GRM7: variants seen among roughly 807,000 people sequenced by gnomAD.
GRM7 encodes the protein glutamate metabotropic receptor 7.
GRM7 carries 35 observed loss-of-function variants against 84.5 expected under a neutral mutation model. That is an observed-to-expected ratio of 0.41 (90% CI 0.32 to 0.55). The LOEUF (loss-of-function observed/expected upper bound fraction) is 0.55, where lower values mean the gene tolerates loss of function less well. Among genes scored for constraint, GRM7 ranks in the 20% least tolerant of loss-of-function variants. The probability of loss-of-function intolerance (pLI) is 0.19; values close to 1 mark genes in which losing one functional copy is unlikely to be tolerated. For synonymous variants in GRM7, 487 were observed against 455.1 expected (o/e 1.07, Z -0.89); for missense variants, 1,003 against 1,194.6 (o/e 0.84, Z 2.36).
chr3:7,415,487 A>G (rs1575303813), intron 5 of GRM7, among the ~76,000 whole-genome samples: 1 of 152,140 alleles, frequency 6.6e-6, no homozygotes, highest in East Asian at 1.9e-4. Context: ...AAATTCTCTG[A>G]CAAATCCCAT....
intron 2 of GRM7, among the ~76,000 whole-genome samples, chr3:7,219,549 C>T (rs573903781): frequency 7.4e-4 from 112 of 152,174 alleles, no homozygotes; most frequent in Admixed American, 4.7e-3. Context: ...ATGGGAGGCA[C>T]CTTCATGATC....
intron 2 of GRM7, among the ~76,000 whole-genome samples, chr3:7,255,997 G>C (rs1013282433): frequency 3.9e-5 from 6 of 152,070 alleles, no homozygotes; most frequent in Non-Finnish European, 8.8e-5. Flanking sequence ...CCAGCCCACA[G>C]TCCTGAGGCA....
In GRM7 at chr3:6,904,209, G is replaced by A. The variant is rs371447356; in HGVS notation, c.519+42302G>A. The stretch of plus-strand genomic sequence containing the variant: ...TTATTCCTTACTCTGAAATCACAAA[G>A]ATATTTGTTTGTAGTTTTTTATTCT... On this transcript the variant is annotated intron_variant, in intron 1 of 9. Transcript: ENST00000357716. 8.6e-4 allele frequency among the ~76,000 whole-genome samples: 130 copies of A among 151,994 alleles called. 5 individuals are homozygous for A. The South Asian group carries it at 0.026, about 30-fold the overall frequency.
intron 8 of GRM7, among the ~76,000 whole-genome samples, chr3:7,645,821 C>G (rs3804851): frequency 0.32 from 47,951 of 152,012 alleles, 7,689 homozygotes; most frequent in Non-Finnish European, 0.33. Flanking sequence ...CTTCCCCAAT[C>G]TGACCCCAAT....
chr3:7,111,161 C>T (rs1692837035), intron 1 of GRM7, among the ~76,000 whole-genome samples: 1 of 151,960 alleles, frequency 6.6e-6, no homozygotes, highest in Non-Finnish European at 1.5e-5. Flanking sequence ...TGATCATAGC[C>T]CCTCACGGAA....
intron 8 of GRM7, among the ~76,000 whole-genome samples, chr3:7,671,974 C>T (rs1699935198): frequency 6.6e-6 from 1 of 152,092 alleles, no homozygotes; most frequent in Non-Finnish European, 1.5e-5. Flanking sequence ...TGCCCAAAGT[C>T]ACCCACTAAT....
rs1694811749 is a variant in GRM7 at position 6,862,928 on chromosome 3, G to A, written c.519+1021G>A. On this transcript the variant is annotated intron_variant, in intron 1 of 9. Transcript: ENST00000357716. This position sits in a 1 kb window ranked among gnomAD's most constrained non-coding sequence, Gnocchi z 5.2. ...GAAGGCGGATCCGGGGCCGCTGAGC[G>A]GTGGGTTCTGCCGCAGTGTTCTCTC... 6.8e-6 allele frequency: 3 copies of A among 442,552 alleles called. No individual in the cohort carries two copies. The highest frequency in any genetic ancestry group is 2.0e-5 in the African/African-American group (1 of 49,314). The allele number at this position is 442,552 out of a possible 1,614,324, so 27.4% of individuals were successfully genotyped here.
At chr3:7,232,222 C>T (rs1697216367) in intron 2 of GRM7, among the ~76,000 whole-genome samples, 1 of 151,652 alleles carries the variant, frequency 6.6e-6, no homozygotes, top group South Asian at 2.1e-4. Flanking sequence ...AACTCTCTTC[C>T]AACATTTTTT....
chr3:7,315,148 T>G (rs771795384), intron 4 of GRM7, among the ~76,000 whole-genome samples: 2 of 152,214 alleles, frequency 1.3e-5, no homozygotes, highest in African/African-American at 2.4e-5. Context: ...TCCCAGTCTT[T>G]GCTGATTGGT....
intron 7 of GRM7, among the ~76,000 whole-genome samples, chr3:7,558,633 G>A (rs527712410): frequency 6.6e-6 from 1 of 152,166 alleles, no homozygotes; most frequent in African/African-American, 2.4e-5. Context: ...AGACAATTAG[G>A]GGTCCACATA....
intron 1 of GRM7, among the ~76,000 whole-genome samples, chr3:6,977,017 G>C (rs552767900): frequency 3.3e-5 from 5 of 152,240 alleles, no homozygotes; most frequent in African/African-American, 1.2e-4. Context: ...CAGAATTGAT[G>C]GTTACTGACT....
intron 2 of GRM7, among the ~76,000 whole-genome samples, chr3:7,240,575 C>G (rs1238316439): frequency 1.3e-5 from 2 of 152,146 alleles, no homozygotes; most frequent in Non-Finnish European, 2.9e-5. Context: ...GCATATGTCT[C>G]AGGCTTCAAA....
intron 1 of GRM7, among the ~76,000 whole-genome samples, chr3:7,118,568 T>G (rs1338467711): frequency 2.0e-5 from 3 of 150,490 alleles, no homozygotes; most frequent in Non-Finnish European, 3.0e-5. Context: ...GCATTATATG[T>G]GGTTAATTTG....
chr3:7,130,406 G>T (rs1200712341), intron 1 of GRM7, among the ~76,000 whole-genome samples: 1 of 151,966 alleles, frequency 6.6e-6, no homozygotes, highest in Non-Finnish European at 1.5e-5. Context: ...AGCCAGGTGT[G>T]GTGGCAGGCA....
At chr3:7,065,863 C>A (rs962329740) in intron 1 of GRM7, among the ~76,000 whole-genome samples, 1 of 151,720 alleles carries the variant, frequency 6.6e-6, no homozygotes, top group African/African-American at 2.4e-5. Context: ...AACTGGAAAT[C>A]AACTCTAAAA....
chr3:7,642,092 G>A (rs1450038521), intron 8 of GRM7, among the ~76,000 whole-genome samples: 1 of 152,104 alleles, frequency 6.6e-6, no homozygotes, highest in East Asian at 1.9e-4. Flanking sequence ...CTAGTGAACT[G>A]TTAACAAGGA....
chr3:7,593,492 T>C (rs534318980), intron 8 of GRM7, among the ~76,000 whole-genome samples: 7 of 152,056 alleles, frequency 4.6e-5, no homozygotes, highest in African/African-American at 1.7e-4. Flanking sequence ...CAAGAAGACA[T>C]AGGAAAGGTA....
intron 8 of GRM7, among the ~76,000 whole-genome samples, chr3:7,653,179 C>CTTTTTTTT (rs1559466264): frequency 9.7e-6 from 1 of 103,020 alleles, no homozygotes; most frequent in African/African-American, 5.5e-5. Context: ...CATACTATAT[C>CTTTTTTTT]CTTTTTTTTT....
intron 8 of GRM7, among the ~76,000 whole-genome samples, chr3:7,592,292 G>A (rs1047816734): frequency 2.0e-5 from 3 of 152,108 alleles, no homozygotes; most frequent in African/African-American, 7.2e-5. Context: ...GAAATACCAG[G>A]ATGGGGCATA....
Sources: gnomAD v4.1 joint callset for allele counts (sites outside exome capture counted in the v4.1 genomes callset) on GRCh38, gnomAD v4.1.1 for gene constraint, Gnocchi (gnomAD v3.1) non-coding constraint, MANE v1.5 for transcripts, NCBI Gene and HGNC (gene_info 2026-07-23, HGNC 2026-07-21) for gene names.